Variants in SPON2 observed in about 807,000 individuals in gnomAD.
SPON2 encodes the protein spondin-2.
Under a neutral mutation model 29.9 loss-of-function variants are expected in SPON2, and 32 were observed. The observed-to-expected ratio is 1.07, with a 90% CI of 0.81 to 1.44. SPON2 has a LOEUF of 1.44. Among genes scored for constraint, SPON2 ranks in the 40% most tolerant of loss-of-function variants. The pLI, the probability that SPON2 is intolerant of heterozygous loss-of-function variation, is 0.00. For missense variants in SPON2, 541 were observed against 455.5 expected, an observed-to-expected ratio of 1.19 and a Z score of -1.71; for synonymous variants, 248 against 209.1, an observed-to-expected ratio of 1.19 and a Z score of -1.61.
At chr4:1,198,371 A>T (rs1266011698), upstream of SPON2, among the ~76,000 whole-genome samples, 1 of 152,192 alleles carries the variant, frequency 6.6e-6, no homozygotes, top group Non-Finnish European at 1.5e-5. Flanking sequence ...CTCACCTTCC[A>T]TGGAAGGAAA....
upstream of SPON2, among the ~76,000 whole-genome samples, chr4:1,196,086 C>T (rs1018083723): frequency 6.6e-6 from 1 of 152,220 alleles, no homozygotes; most frequent in Non-Finnish European, 1.5e-5. Flanking sequence ...CTGGCTGCCC[C>T]ATCGCTGCCC....
At chr4:1,191,464 T>C (rs1344040573) in intron 1 of SPON2, among the ~76,000 whole-genome samples, 1 of 152,110 alleles carries the variant, frequency 6.6e-6, no homozygotes, top group African/African-American at 2.4e-5. Context: ...AAATTAACCA[T>C]GTATAAAATT....
upstream of SPON2, among the ~76,000 whole-genome samples, chr4:1,176,001 A>G (rs995296494): frequency 6.6e-6 from 1 of 152,160 alleles, no homozygotes; most frequent in Non-Finnish European, 1.5e-5. Flanking sequence ...ACATGGGAGC[A>G]TTCTTTGCTG....
chr4:1,206,616 G>A (rs1728348369), intron 1 of SPON2, among the ~76,000 whole-genome samples: 1 of 152,230 alleles, frequency 6.6e-6, no homozygotes, highest in Non-Finnish European at 1.5e-5. Flanking sequence ...CCAGCGGGCT[G>A]AGTGGGGCTC....
At chr4:1,207,293 G>A (rs374509570) in intron 1 of SPON2, among the ~76,000 whole-genome samples, 1 of 152,048 alleles carries the variant, frequency 6.6e-6, no homozygotes, top group Non-Finnish European at 1.5e-5. Context: ...CCGGCTGCTC[G>A]ACACCCTCCG....
At chr4:1,187,215 C>A (rs199870205) in intron 1 of SPON2, among the ~76,000 whole-genome samples, 1 of 152,168 alleles carries the variant, frequency 6.6e-6, no homozygotes, top group African/African-American at 2.4e-5. Context: ...AGGACATATG[C>A]TATAATATGG....
At chr4:1,178,291 G>A (rs957128225) in intron 2 of SPON2, among the ~76,000 whole-genome samples, 27 of 152,160 alleles carry the variant, frequency 1.8e-4, no homozygotes, top group African/African-American at 5.5e-4. Flanking sequence ...GCTTTGCTCC[G>A]GCCAGGCACC....
intron 1 of SPON2, among the ~76,000 whole-genome samples, chr4:1,183,248 A>AC (rs1266623545): frequency 1.1e-4 from 16 of 151,176 alleles, no homozygotes; most frequent in Non-Finnish European, 1.8e-4. Context: ...ATCAAAAAAA[A>AC]AAAAAAACAA....
rs1355511112 is a variant in SPON2, at chr4:1,171,942, T to C, written c.130A>G (p.Ser44Gly). ...CTCCACTTGCCCGTGAAGGTGATGC[T>C]GTATTTGGCCAGGGCTCTGGCGGAA... ...ICSARALAKY[S>G]ITFTGKWSQT... Residue 44 changes from serine to glycine, a missense_variant, in exon 2 of 6, where the codon AGC becomes GGC. Ser to Gly is a moderately conservative substitution (Grantham distance 56). Coordinates refer to ENST00000290902, the MANE Select transcript of SPON2 (RefSeq NM_012445.4). The C allele has an allele frequency of 1.2e-6, 2 of 1,612,690 alleles. No individual in the cohort carries two copies. The highest frequency in any genetic ancestry group is 1.3e-5 in the African/African-American group (1 of 74,910).
upstream of SPON2, among the ~76,000 whole-genome samples, chr4:1,195,663 C>T (rs557206047): frequency 2.4e-4 from 37 of 152,338 alleles, no homozygotes; most frequent in East Asian, 2.5e-3. Context: ...CAGGCAGAGG[C>T]GCAAAGCCTG....
At chr4:1,187,629 T>C (rs1207450371) in intron 1 of SPON2, among the ~76,000 whole-genome samples, 12 of 152,220 alleles carry the variant, frequency 7.9e-5, no homozygotes, top group Admixed American at 7.2e-4. Flanking sequence ...ATTAATATCT[T>C]AATTTATAAC....
intron 1 of SPON2, among the ~76,000 whole-genome samples, chr4:1,183,032 G>A (rs932566868): frequency 2.7e-5 from 4 of 149,776 alleles, no homozygotes; most frequent in African/African-American, 1.0e-4. Flanking sequence ...GCTGAGGTCA[G>A]GAGTTCAAGA....
chr4:1,170,780 G>T, intron 4 of SPON2: 2 of 935,794 alleles, frequency 2.1e-6, no homozygotes, highest in Non-Finnish European at 3.4e-6. Context: ...CTCGGGACGC[G>T]CGTCCCGCTG....
chr4:1,170,298 A>G, intron 5 of SPON2, 104 bp downstream of exon 5: 3 of 1,133,584 alleles, frequency 2.6e-6, no homozygotes, highest in Non-Finnish European at 3.9e-6. Context: ...CGCACTACGA[A>G]TCCCTACTTG....
intron 1 of SPON2, among the ~76,000 whole-genome samples, chr4:1,193,760 A>G (rs1395534222): frequency 1.5e-5 from 1 of 65,126 alleles, no homozygotes; most frequent in African/African-American, 1.0e-4. Context: ...GTGGTGTGGG[A>G]AGGACGTGGG....
chr4:1,200,597 G>A, intron 1 of SPON2: 1 of 345,584 alleles, frequency 2.9e-6, no homozygotes, highest in Non-Finnish European at 5.8e-6. Flanking sequence ...GTTTCCTCTG[G>A]CTGCCCCCAC....
rs924393705 is a variant in SPON2 at position 1,202,880 on chromosome 4, C to T, written c.-234+5000G>A. ...CCTTTGGGAGCGATGGTTGGAGCTG[C>T]GCCTGCACCTGCCTGAGCCATGGCT... On this transcript the variant is annotated intron_variant, in intron 1 of 3. Coordinates refer to the SPON2 transcript ENST00000509233. The surrounding 1 kb of genome is among the most constrained non-coding windows in gnomAD (Gnocchi z 5.4). 7.2e-5 allele frequency among the ~76,000 whole-genome samples: 11 copies of T among 152,162 alleles called. No individual in the cohort carries two copies. Among genetic ancestry groups the T allele is most frequent in the African/African-American group, 2.4e-4 (10 of 41,436 alleles).
At chr4:1,190,005 AAAG>A (rs1727883875) in intron 1 of SPON2, among the ~76,000 whole-genome samples, 1 of 150,888 alleles carries the variant, frequency 6.6e-6, no homozygotes, top group Non-Finnish European at 1.5e-5. Context: ...AAAAAAAAAA[AAAG>A]TTGGTTTTTG....
chr4:1,203,205 G>A (rs938595209), intron 1 of SPON2, among the ~76,000 whole-genome samples: 1 of 152,190 alleles, frequency 6.6e-6, no homozygotes, highest in Non-Finnish European at 1.5e-5. Context: ...CTCAGTCTGA[G>A]GTGTTTTGTT....
Sources: gnomAD v4.1 joint callset for allele counts (sites outside exome capture counted in the v4.1 genomes callset) on GRCh38, gnomAD v4.1.1 for gene constraint, Gnocchi (gnomAD v3.1) non-coding constraint, MANE v1.5 for transcripts, NCBI Gene and HGNC (gene_info 2026-07-23, HGNC 2026-07-21) for gene names.